Variants in TEAD1 observed in about 807,000 individuals in gnomAD.
TEAD1 encodes the protein transcriptional enhancer factor TEF-1.
A neutral mutation model predicts 54.9 loss-of-function variants in TEAD1; 9 were observed. The observed-to-expected ratio is 0.16, with a 90% CI of 0.10 to 0.29. The LOEUF is 0.29. Among genes scored for constraint, TEAD1 ranks in the 10% least tolerant of loss-of-function variants. The pLI is 1.00. For missense variants in TEAD1, 387 were observed against 535.9 expected, an observed-to-expected ratio of 0.72 and a Z score of 2.74; for synonymous variants, 200 against 187.8, an observed-to-expected ratio of 1.07 and a Z score of -0.53.
rs150758430 is a variant in TEAD1, at chr11:12,760,915, T to G, written c.-54-3264T>G. On this transcript the variant is annotated intron_variant, in intron 2 of 12. Coordinates refer to ENST00000527636, the MANE Select transcript of TEAD1 (RefSeq NM_021961.6). ...GGAAATTCTCTGCCCATATGTAAAG[T>G]CTTCATCTTATGATGGGGTTGTAAA... is the stretch of plus-strand genomic sequence containing the variant. 5.8e-4 allele frequency among the ~76,000 whole-genome samples: 89 copies of G among 152,276 alleles called. 1 individual carries two copies. The highest frequency in any genetic ancestry group is 2.0e-3 in the African/African-American group (82 of 41,560).
chr11:12,895,990 C>T (rs904441323), intron 9 of TEAD1, among the ~76,000 whole-genome samples: 1 of 129,228 alleles, frequency 7.7e-6, no homozygotes, highest in East Asian at 2.4e-4. Flanking sequence ...TAGTATATGC[C>T]CCCCTCCGTC....
At chr11:12,704,916 G>A (rs1330124875) in intron 2 of TEAD1, among the ~76,000 whole-genome samples, 2 of 152,182 alleles carry the variant, frequency 1.3e-5, no homozygotes. Context: ...AAAATACAGT[G>A]AAATTTATGC....
At chr11:12,694,734 T>TA (rs1357399449) in intron 2 of TEAD1, among the ~76,000 whole-genome samples, 1 of 152,218 alleles carries the variant, frequency 6.6e-6, no homozygotes, top group Admixed American at 6.5e-5. Context: ...TACCAACTCT[T>TA]ACCTTCTTTT....
intron 3 of TEAD1, among the ~76,000 whole-genome samples, chr11:12,798,060 A>G (rs1345248319): frequency 1.3e-5 from 2 of 152,010 alleles, no homozygotes; most frequent in African/African-American, 2.4e-5. Context: ...TAACATATCA[A>G]CTCTACCTGT....
chr11:12,848,029 G>A (rs1195491982), intron 3 of TEAD1, among the ~76,000 whole-genome samples: 1 of 152,178 alleles, frequency 6.6e-6, no homozygotes, highest in Non-Finnish European at 1.5e-5. Context: ...TAGGGCAGTG[G>A]GGTCAGTGAG....
intron 3 of TEAD1, among the ~76,000 whole-genome samples, chr11:12,806,950 A>G (rs1471035477): frequency 6.6e-6 from 1 of 152,216 alleles, no homozygotes; most frequent in Non-Finnish European, 1.5e-5. Context: ...GGCAAAAAAA[A>G]TTACAAAATA....
At chr11:12,675,638 C>G (rs948236102) in intron 2 of TEAD1, 77 bp downstream of exon 2, 1 of 152,232 alleles carries the variant, frequency 6.6e-6, no homozygotes, top group African/African-American at 2.4e-5. Context: ...GGGTACACTT[C>G]TAGTCTTTGT....
intron 2 of TEAD1, among the ~76,000 whole-genome samples, chr11:12,761,459 G>A (rs750121198): frequency 1.3e-5 from 2 of 152,194 alleles, no homozygotes; most frequent in Non-Finnish European, 2.9e-5. Context: ...GCTGTGGGCT[G>A]AGGCTAAAAA....
chr11:12,844,521 C>T (rs1427085849), intron 3 of TEAD1, among the ~76,000 whole-genome samples: 1 of 152,100 alleles, frequency 6.6e-6, no homozygotes, highest in Non-Finnish European at 1.5e-5. Flanking sequence ...AGCATCAAAT[C>T]ATTGGGGGGC....
chr11:12,676,734 C>T (rs1326115496), intron 2 of TEAD1, among the ~76,000 whole-genome samples: 2 of 152,258 alleles, frequency 1.3e-5, no homozygotes, highest in East Asian at 1.9e-4. Flanking sequence ...TCTAATCTCA[C>T]TGTTTCCATA....
At position 12,867,875 on chromosome 11, in the gene TEAD1, A is replaced by G. The variant is rs60906214; in HGVS notation, c.330+2975A>G. On this transcript the variant is annotated intron_variant, in intron 5 of 12. Coordinates refer to ENST00000527636, the MANE Select transcript of TEAD1 (RefSeq NM_021961.6). ...CAGGAAGTATCCAAGCTTAAAAGAG[A>G]CACTGTGCTTTGCCTGGGAAGATGT... Among the ~76,000 whole-genome samples the G allele has an allele frequency of 3.9e-3, 593 of 152,254 alleles. 5 individuals are homozygous for G. The highest frequency in any genetic ancestry group is 0.013 in the African/African-American group (541 of 41,534).
intron 3 of TEAD1, among the ~76,000 whole-genome samples, chr11:12,788,921 GA>G (rs758301002): frequency 6.6e-6 from 1 of 152,174 alleles, no homozygotes; most frequent in Admixed American, 6.5e-5. Flanking sequence ...TTTGTTTTAA[GA>G]GATGGGGTTT....
At chr11:12,899,132 G>A (rs1289917720) in intron 9 of TEAD1, among the ~76,000 whole-genome samples, 1 of 152,194 alleles carries the variant, frequency 6.6e-6, no homozygotes, top group East Asian at 1.9e-4. Flanking sequence ...ATTCAGCTCA[G>A]TGAGTCCCTA....
At chr11:12,818,810 A>G (rs947944563) in intron 3 of TEAD1, among the ~76,000 whole-genome samples, 3 of 152,210 alleles carry the variant, frequency 2.0e-5, no homozygotes, top group African/African-American at 4.8e-5. Flanking sequence ...AACCTTTATC[A>G]TGCTTAGTGG....
At chr11:12,764,064 A>C (rs1945154558) in intron 2 of TEAD1, 115 bp from the exon 3 acceptor site, 1 of 694,280 alleles carries the variant, frequency 1.4e-6, no homozygotes, top group Non-Finnish European at 2.3e-6. Context: ...AAAAAGACTG[A>C]AATAATAAAA....
intron 3 of TEAD1, among the ~76,000 whole-genome samples, chr11:12,826,052 G>T (rs1031651412): frequency 6.6e-6 from 1 of 152,178 alleles, no homozygotes; most frequent in Non-Finnish European, 1.5e-5. Context: ...AGTGTAGAAG[G>T]TTAAGCTAAA....
At chr11:12,778,496 C>T (rs1483408290) in intron 3 of TEAD1, among the ~76,000 whole-genome samples, 1 of 148,438 alleles carries the variant, frequency 6.7e-6, no homozygotes, top group Admixed American at 6.7e-5. Flanking sequence ...AAGCACATGA[C>T]TTTTAACTGT....
At position 12,879,723 on chromosome 11, in the gene TEAD1, G is replaced by C. The variant is rs1388154541; in HGVS notation, c.346G>C (p.Asp116His). Residue 116 changes from aspartate (D) to histidine (H), a missense_variant, in exon 6 of 13, where the codon GAT (aspartate) becomes CAT (histidine). This residue lies in a region of TEAD1 where 22 missense variants were observed against 43.2 expected (regional missense o/e 0.51). Transcript: ENST00000527636. ...CACCTTCAAGGATCAGACTGCAAAG[G>C]ATAAGGCCCTGCAGCACATGGCGGC... The C allele has an allele frequency of 6.2e-7, 1 of 1,614,216 alleles. No individual in the cohort carries two copies. The highest frequency in any genetic ancestry group is 8.5e-7 in the Non-Finnish European group (1 of 1,180,046).
At chr11:12,749,664 G>A (rs75391424) in intron 2 of TEAD1, among the ~76,000 whole-genome samples, 11 of 152,190 alleles carry the variant, frequency 7.2e-5, no homozygotes, top group Admixed American at 4.6e-4. Context: ...CTTTCTGTCC[G>A]TACCTCTCTT....
Sources: gnomAD v4.1 joint callset for allele counts (sites outside exome capture counted in the v4.1 genomes callset) on GRCh38, gnomAD v4.1.1 for gene constraint, gnomAD v4.1.1 regional missense constraint, MANE v1.5 for transcripts, NCBI Gene and HGNC (gene_info 2026-07-23, HGNC 2026-07-21) for gene names.